The following IKZF5 variants were observed in gnomAD, a reference collection of about 807,000 sequenced individuals.
IKZF5 encodes the protein IKAROS family zinc finger 5, also known as zinc finger protein Pegasus.
Under a neutral mutation model 30.7 loss-of-function variants are expected in IKZF5, and 4 were observed. The observed-to-expected ratio is 0.13, with a 90% CI of 0.06 to 0.30. The LOEUF (loss-of-function observed/expected upper bound fraction) is 0.30, where lower values mean the gene tolerates loss of function less well. IKZF5 is among the 10% of genes least tolerant of loss of function. The pLI is 1.00. For synonymous variants in IKZF5, 148 were observed against 179.6 expected (o/e 0.82, Z 1.41); for missense variants, 348 against 525.5 (o/e 0.66, Z 3.30).
At position 123,003,768 on chromosome 10, in the gene IKZF5, GTT is replaced by G. The variant is rs754646387; in HGVS notation, c.-47+3256_-47+3257del. 4.6e-5 allele frequency among the ~76,000 whole-genome samples: 7 copies of G among 152,148 alleles called. 1 individual carries two copies. Among genetic ancestry groups the G allele is most frequent in the Non-Finnish European group, 4.4e-5 (3 of 68,032 alleles). On this transcript the variant is annotated intron_variant, in intron 2 of 4. Coordinates refer to ENST00000368886, the MANE Select transcript of IKZF5 (RefSeq NM_001372123.1). ...TGGTTGAAAAATATACTGAGCATCT[GTT>G]TCTTAGTTACAACGAAACAAACATG...
At position 122,993,367 on chromosome 10, in the gene IKZF5, T is replaced by C. The variant is rs1849233046; in HGVS notation, c.*413A>G. Reference sequence around the variant, plus strand: ...CTGTACTAAACACTGAAATGAGTAGTAATAAATTCTGTAATTTATTCTACC... The same window carrying C: ...CTGTACTAAACACTGAAATGAGTAGCAATAAATTCTGTAATTTATTCTACC... On this transcript the variant is annotated 3_prime_UTR_variant, in exon 5 of 5. Transcript: ENST00000368886. The C allele has an allele frequency of 1.3e-5, 2 of 154,114 alleles. No individual in the cohort carries two copies. The allele number at this position is 154,114 out of a possible 1,614,324, so 9.5% of individuals were successfully genotyped here.
rs981932419 is a variant in IKZF5, at chr10:122,992,941, A to C, written c.*839T>G. The stretch of plus-strand genomic sequence containing the variant: ...GCATTTTAATAATAAGGATGACTTC[A>C]CTTTATCTCTTTGGTCATCAAAGGA... On this transcript the variant is annotated 3_prime_UTR_variant, in exon 5 of 5. Transcript: ENST00000368886. 1 of 152,648 alleles carries C rather than the reference A, an allele frequency of 6.6e-6. No individual in the cohort carries two copies. Among genetic ancestry groups the C allele is most frequent in the Admixed American group, 6.5e-5 (1 of 15,282 alleles). The allele number at this position is 152,648 out of a possible 1,614,324, so 9.5% of individuals were successfully genotyped here.
chr10:123,003,180 G>A (rs11248357), intron 2 of IKZF5, among the ~76,000 whole-genome samples: 7,091 of 126,704 alleles, frequency 0.056, 268 homozygotes, highest in East Asian at 0.16. Flanking sequence ...ACAGGTGCCC[G>A]CTACCACACC....
At chr10:122,995,884 TA>T in intron 4 of IKZF5, 109 bp downstream of exon 4, 1 of 1,038,406 alleles carries the variant, frequency 9.6e-7, no homozygotes, top group Non-Finnish European at 1.4e-6. Context: ...GAACTTTACA[TA>T]AACCTTCATT....
chr10:122,994,372 T>C lies in IKZF5; in HGVS notation c.668A>G (p.Gln223Arg). 6.2e-7 allele frequency: 1 copy of C among 1,614,100 alleles called. No homozygotes were observed. The highest frequency in any genetic ancestry group is 8.5e-7 in the Non-Finnish European group (1 of 1,180,004). ...TGCCATACTTTCATAGGAGTCAGTC[T>C]GGATATTTGGGATTTCGTGGGTAAA... ...NDFTHEIPNI[Q>R]TDSYESMAKT... The change falls in exon 5 of 5, where the codon CAG (glutamine) becomes CGG (arginine). Residue 223 changes from glutamine (Q) to arginine (R), a missense_variant. Physicochemically the swap from Gln to Arg is conservative, Grantham distance 43. Around this residue, in one of 4 missense-constraint regions of IKZF5, gnomAD observed 176 missense variants for 198.2 expected, o/e 0.89. Transcript: ENST00000368886. The surrounding 1 kb of genome is among the most constrained non-coding windows in gnomAD (Gnocchi z 5.6).
At chr10:123,003,292 T>A (rs527853929) in intron 2 of IKZF5, among the ~76,000 whole-genome samples, 10 of 151,800 alleles carry the variant, frequency 6.6e-5, no homozygotes, top group Admixed American at 6.6e-4. Context: ...ACTATTTACA[T>A]AGCATTTACA....
At chr10:123,003,365 A>T (rs1168096423) in intron 2 of IKZF5, among the ~76,000 whole-genome samples, 1 of 152,090 alleles carries the variant, frequency 6.6e-6, no homozygotes, top group African/African-American at 2.4e-5. Context: ...ATTGTGAGTT[A>T]TATGCAAATA....
In IKZF5 at chr10:122,991,038, G is replaced by C. The variant is rs1047207667; in HGVS notation, c.*2742C>G. The C allele has an allele frequency of 7.2e-5, 11 of 151,806 alleles. No individual in the cohort carries two copies. Among genetic ancestry groups the C allele is most frequent in the Admixed American group, 3.3e-4 (5 of 15,238 alleles). 9.4% of individuals were successfully genotyped at this position (151,806 alleles called of 1,614,324 possible). ...AAAGCATATACCCTCTAAGACTAAT[G>C]AAAACGTCTTTAGCAGGGAATTAAA... is the stretch of plus-strand genomic sequence containing the variant. On this transcript the variant is annotated 3_prime_UTR_variant, in exon 5 of 5. Transcript: ENST00000368886.
intron 1 of IKZF5, among the ~76,000 whole-genome samples, chr10:123,007,672 C>T (rs1242419776): frequency 6.6e-6 from 1 of 152,140 alleles, no homozygotes; most frequent in Non-Finnish European, 1.5e-5. Flanking sequence ...CACAAAACAG[C>T]TACGGTTTTC....
At position 122,991,118 on chromosome 10, in the gene IKZF5, A is replaced by C. The variant is rs988811419; in HGVS notation, c.*2662T>G. On this transcript the variant is annotated 3_prime_UTR_variant, in exon 5 of 5. Coordinates refer to ENST00000368886, the MANE Select transcript of IKZF5 (RefSeq NM_001372123.1). ...TTGTAGAACTTGAAATGAGGATTTTATCTCTGAGTATTTTTTGTAGTATTC... is the reference window on the plus strand; with the variant it reads ...TTGTAGAACTTGAAATGAGGATTTTCTCTCTGAGTATTTTTTGTAGTATTC... The C allele has an allele frequency of 1.3e-5, 2 of 152,092 alleles. No homozygotes were observed. Among genetic ancestry groups the C allele is most frequent in the Admixed American group, 1.3e-4 (2 of 15,264 alleles). The allele number at this position is 152,092 out of a possible 1,614,324, so 9.4% of individuals were successfully genotyped here. A position where few individuals can be genotyped will look rare whatever the true frequency, so the allele number is the denominator to read the frequency against.
In IKZF5 at chr10:122,992,575, CAAATT is replaced by C. The variant is rs1311316428; in HGVS notation, c.*1200_*1204del. On this transcript the variant is annotated 3_prime_UTR_variant, in exon 5 of 5. Transcript: ENST00000368886. ...ATTTAGTAAGTCTTATTTTTATAAA[CAAATT>C]AAATGTCATGTTTAGATGCATTTTA... is the stretch of plus-strand genomic sequence containing the variant. 7 of 152,136 alleles carry C rather than the reference CAAATT, an allele frequency of 4.6e-5. No individual in the cohort carries two copies. Among genetic ancestry groups the C allele is most frequent in the African/African-American group, 9.7e-5 (4 of 41,444 alleles). The allele number at this position is 152,136 out of a possible 1,614,324, so 9.4% of individuals were successfully genotyped here.
At chr10:123,002,824 A>C (rs1269176761) in intron 2 of IKZF5, among the ~76,000 whole-genome samples, 1 of 151,340 alleles carries the variant, frequency 6.6e-6, no homozygotes, top group South Asian at 2.1e-4. Flanking sequence ...TATTAGTATT[A>C]CTACCCCTTT....
intron 2 of IKZF5, among the ~76,000 whole-genome samples, chr10:123,004,511 G>A (rs1849710945): frequency 6.6e-6 from 1 of 151,914 alleles, no homozygotes; most frequent in Non-Finnish European, 1.5e-5. Flanking sequence ...CCTAATTACA[G>A]AGGATGGCTG....
rs1300748961 is a variant in IKZF5 at position 122,990,989 on chromosome 10, CAT to C, written c.*2789_*2790del. 1 of 151,514 alleles carries C rather than the reference CAT, an allele frequency of 6.6e-6. No individual in the cohort carries two copies. Among genetic ancestry groups the C allele is most frequent in the Non-Finnish European group, 1.5e-5 (1 of 67,898 alleles). The allele number at this position is 151,514 out of a possible 1,614,324, so 9.4% of individuals were successfully genotyped here. Reference sequence around the variant, plus strand: ...AAAATATGTTCTTTACATCAAAGCACATGTTAACAAAAACAAGTTCTAGAAAG... The same window carrying C: ...AAAATATGTTCTTTACATCAAAGCACGTTAACAAAAACAAGTTCTAGAAAG... On this transcript the variant is annotated 3_prime_UTR_variant, in exon 5 of 5. Transcript: ENST00000368886.
At position 122,999,650 on chromosome 10, in the gene IKZF5, A is replaced by G. The variant is rs1849512691; in HGVS notation, c.-46-979T>C. Among the ~76,000 whole-genome samples the G allele has an allele frequency of 2.0e-5, 3 of 152,220 alleles. No homozygotes were observed. The South Asian group carries it at 6.2e-4, about 31-fold the overall frequency. The stretch of plus-strand genomic sequence containing the variant: ...TAGCTTCCCAACCCCTGCTCTAGAA[A>G]TATCCAAATCACCACCTCTACTACC... On this transcript the variant is annotated intron_variant, in intron 2 of 4. Coordinates refer to ENST00000368886, the MANE Select transcript of IKZF5 (RefSeq NM_001372123.1).
At chr10:123,008,348 G>A (rs928950787) in intron 1 of IKZF5, among the ~76,000 whole-genome samples, 8 of 152,228 alleles carry the variant, frequency 5.3e-5, no homozygotes, top group African/African-American at 1.9e-4. Flanking sequence ...CTGGGACCCC[G>A]TGAAGACGCA....
chr10:123,007,151 C>T lies in IKZF5; in HGVS notation c.-172G>A, dbSNP rs958711754. 2.0e-5 allele frequency: 3 copies of T among 152,112 alleles called. No individual in the cohort carries two copies. Among genetic ancestry groups the T allele is most frequent in the African/African-American group, 7.2e-5 (3 of 41,420 alleles). The allele number at this position is 152,112 out of a possible 1,614,324, so 9.4% of individuals were successfully genotyped here. On this transcript the variant is annotated 5_prime_UTR_variant, in exon 2 of 5. An upstream open reading frame in the 5' UTR loses its in-frame stop. Coordinates refer to ENST00000368886, the MANE Select transcript of IKZF5 (RefSeq NM_001372123.1). ...AAAGGCCATGGAGAGAGAATTTCAA[C>T]TAAAATTGAAAAGCCATACAGAGGT...
At chr10:122,999,014 A>T (rs1849490737) in intron 2 of IKZF5, among the ~76,000 whole-genome samples, 1 of 152,152 alleles carries the variant, frequency 6.6e-6, no homozygotes, top group African/African-American at 2.4e-5. Flanking sequence ...CAACATAGGG[A>T]GAACTTGTCC....
chr10:123,005,396 T>C (rs1027577674), intron 2 of IKZF5, among the ~76,000 whole-genome samples: 1 of 152,244 alleles, frequency 6.6e-6, no homozygotes, highest in Non-Finnish European at 1.5e-5. Context: ...TTTCCTATAC[T>C]GGACATGAAC....
Sources: allele counts gnomAD v4.1 joint callset (sites outside exome capture counted in the v4.1 genomes callset), GRCh38; gene constraint gnomAD v4.1.1; regional missense constraint gnomAD v4.1.1; non-coding constraint Gnocchi (gnomAD v3.1); transcripts MANE v1.5; gene names NCBI Gene and HGNC (gene_info 2026-07-23, HGNC 2026-07-21).